Variants in HMCN2 observed in about 807,000 individuals in gnomAD.
The protein encoded by HMCN2 is hemicentin 2, also known as hemicentin-2.
Under a neutral mutation model 377.5 loss-of-function variants are expected in HMCN2, and 325 were observed. The observed-to-expected ratio is 0.86, with a 90% CI of 0.79 to 0.94. The LOEUF (loss-of-function observed/expected upper bound fraction) is 0.94. Among genes scored for constraint, HMCN2 ranks in the 40% least tolerant of loss-of-function variants. The pLI, the probability that HMCN2 is intolerant of heterozygous loss-of-function variation, is 0.00. For missense variants in HMCN2, 4,543 were observed against 4,725.3 expected (o/e 0.96, Z 1.13); for synonymous variants, 2,007 against 2,046.8 (o/e 0.98, Z 0.53).
intron 86 of HMCN2, among the ~76,000 whole-genome samples, chr9:130,420,391 T>C (rs529298531): frequency 1.3e-5 from 2 of 152,142 alleles, no homozygotes; most frequent in African/African-American, 4.8e-5. Flanking sequence ...CTTCTTACCC[T>C]CTCCTGTTGG....
chr9:130,354,873 T>G lies in HMCN2; in HGVS notation c.4975T>G (p.Ser1659Ala). ...CAGAGGCCACCCGTCCCCCACCCTC[T>G]CCTGGCACCACGAGGGGCTGCCCGT... is the stretch of plus-strand genomic sequence containing the variant. ...VARGHPSPTL[S>A]WHHEGLPVAE... Residue 1659 changes from serine to alanine, a missense_variant, in exon 32 of 98, where the codon TCC (serine) becomes GCC (alanine). Physicochemically the swap from Ser to Ala is moderately conservative, Grantham distance 99. Around this residue, in one of 5 missense-constraint regions of HMCN2, gnomAD observed 1,032 missense variants for 1,285.1 expected, o/e 0.80. Coordinates refer to ENST00000683500, the MANE Select transcript of HMCN2 (RefSeq NM_001291815.2). 1 of 1,304,268 alleles carries G rather than the reference T, an allele frequency of 7.7e-7. No individual in the cohort carries two copies. Among genetic ancestry groups the G allele is most frequent in the Non-Finnish European group, 1.0e-6 (1 of 988,938 alleles). The allele number at this position is 1,304,268 out of a possible 1,614,324, so 80.8% of individuals were successfully genotyped here.
rs147599505 is a variant in HMCN2, at chr9:130,412,018, C to T, written c.12961+1366C>T. Among the ~76,000 whole-genome samples, 988 of 152,342 alleles carry T rather than the reference C, an allele frequency of 6.5e-3. 8 individuals are homozygous for T. Among genetic ancestry groups the T allele is most frequent in the African/African-American group, 0.023 (955 of 41,568 alleles). On this transcript the variant is annotated intron_variant, in intron 85 of 97. Coordinates refer to ENST00000683500, the MANE Select transcript of HMCN2 (RefSeq NM_001291815.2). ...ACAGGGTCTGGCTCTGTTGCTCAGG[C>T]TGGAGTGCAGTGGTGCCATCTCTGC...
Position 130,375,892 on chromosome 9 carries a change from GA to G in HMCN2, c.7822del (p.Ile2608SerfsTer2). The G allele has an allele frequency of 2.0e-6, 2 of 985,972 alleles. No homozygotes were observed. Among genetic ancestry groups the G allele is most frequent in the Non-Finnish European group, 2.4e-6 (2 of 830,040 alleles). The allele number at this position is 985,972 out of a possible 1,614,324, so 61.1% of individuals were successfully genotyped here. A position where few individuals can be genotyped will look rare whatever the true frequency, so the allele number is the denominator to read the frequency against. On this transcript the variant is annotated frameshift_variant, in exon 51 of 98. Transcript: ENST00000683500. LOFTEE classifies it high-confidence loss of function. ...CCCACACAGGTACCCACGGGCTGCA[GA>G]TCCTGAATGCCCAGAAGGAAGATGC... is the stretch of plus-strand genomic sequence containing the variant. The part of the protein sequence containing the change: ...QLLPGTHGLQ[I>X]LNAQKEDAGQ...
At chr9:130,396,640 CACCCCCTGACA>C (rs1564853292) in intron 73 of HMCN2, among the ~76,000 whole-genome samples, 1 of 152,176 alleles carries the variant, frequency 6.6e-6, no homozygotes, top group Non-Finnish European at 1.5e-5. Flanking sequence ...GGGAGAAACA[CACCCCCTGACA>C]ACCCCGTGGC....
At chr9:130,396,389 G>C in intron 73 of HMCN2, 76 bp downstream of exon 73, 1 of 1,161,758 alleles carries the variant, frequency 8.6e-7, no homozygotes, top group South Asian at 1.4e-5. Context: ...ACTCACTTGG[G>C]CAATTGGAGC....
In HMCN2 at chr9:130,402,005, A is replaced by G. The variant is rs966755018; in HGVS notation, c.11771-784A>G. Among the ~76,000 whole-genome samples, 5 of 152,262 alleles carry G rather than the reference A, an allele frequency of 3.3e-5. 1 individual carries two copies. Among genetic ancestry groups the G allele is most frequent in the East Asian group, 3.9e-4 (2 of 5,178 alleles). ...GGTGGGAGGATTGCTTGAGTGTAGG[A>G]GTTCAAGGATGCAGTGAGCTATGAT... On this transcript the variant is annotated intron_variant, in intron 77 of 97. Coordinates refer to ENST00000683500, the MANE Select transcript of HMCN2 (RefSeq NM_001291815.2).
intron 81 of HMCN2, among the ~76,000 whole-genome samples, chr9:130,405,682 G>A (rs141177909): frequency 6.6e-6 from 1 of 152,378 alleles, no homozygotes; most frequent in African/African-American, 2.4e-5. Context: ...CAAGTTCTGA[G>A]GACAGGGCAG....
Position 130,319,556 on chromosome 9 carries a change from C to G in HMCN2, c.2412C>G (p.Leu804=), listed in dbSNP as rs1837737869. The G allele has an allele frequency of 6.6e-6, 1 of 152,206 alleles. No individual in the cohort carries two copies. Among genetic ancestry groups the G allele is most frequent in the South Asian group, 2.1e-4 (1 of 4,824 alleles). The allele number at this position is 152,206 out of a possible 1,614,324, so 9.4% of individuals were successfully genotyped here. A position where few individuals can be genotyped will look rare whatever the true frequency, so the allele number is the denominator to read the frequency against. The change falls in exon 16 of 98, where the codon CTC becomes CTG. Residue 804 remains leucine, a synonymous_variant. Transcript: ENST00000683500. ...CTGTGGAACTGGGGAGGAGTGCCCTCTTGGCATGCCGGGCAACAGGCCGCC... is the reference window on the plus strand; with the variant it reads ...CTGTGGAACTGGGGAGGAGTGCCCTGTTGGCATGCCGGGCAACAGGCCGCC... The part of the protein sequence containing the change: ...DVTVELGRSA[L]LACRATGRPP...
chr9:130,428,837 G>C lies in HMCN2; in HGVS notation c.14197+348G>C, dbSNP rs1038975732. ...CCCCATATGAATCAAGGCCCAGCTA[G>C]AGACCACCTCTGAATCCTTCTTGAC... On this transcript the variant is annotated intron_variant, in intron 93 of 97. Coordinates refer to ENST00000683500, the MANE Select transcript of HMCN2 (RefSeq NM_001291815.2). The surrounding 1 kb of genome is among the most constrained non-coding windows in gnomAD (Gnocchi z 5.0). 6.6e-6 allele frequency among the ~76,000 whole-genome samples: 1 copy of C among 152,210 alleles called. No individual in the cohort carries two copies. Among genetic ancestry groups the C allele is most frequent in the Non-Finnish European group, 1.5e-5 (1 of 68,032 alleles).
At chr9:130,427,106 C>T (rs562759103) in intron 90 of HMCN2, among the ~76,000 whole-genome samples, 2 of 152,324 alleles carry the variant, frequency 1.3e-5, no homozygotes, top group South Asian at 2.1e-4. Context: ...GGGAGCCCTT[C>T]AGGACACATT....
At chr9:130,356,065 G>C (rs1045116073) in intron 33 of HMCN2, 23 bp from the exon 34 acceptor site, 3 of 1,239,928 alleles carry the variant, frequency 2.4e-6, no homozygotes, top group Admixed American at 2.7e-5. Context: ...AGGTTGACAC[G>C]CCCCCCTCCC....
intron 86 of HMCN2, chr9:130,419,427 C>T (rs973978426): frequency 6.5e-5 from 11 of 168,228 alleles, no homozygotes; most frequent in African/African-American, 1.7e-4. Context: ...ATTGCCTGGC[C>T]GTGGCAGGTG....
At position 130,394,333 on chromosome 9, in the gene HMCN2, C is replaced by G; in HGVS notation, c.10502-52C>G. 8.6e-7 allele frequency: 1 copy of G among 1,160,904 alleles called. No individual in the cohort carries two copies. Among genetic ancestry groups the G allele is most frequent in the African/African-American group, 1.6e-5 (1 of 63,554 alleles). The allele number at this position is 1,160,904 out of a possible 1,614,324, so 71.9% of individuals were successfully genotyped here. A position where few individuals can be genotyped will look rare whatever the true frequency, so the allele number is the denominator to read the frequency against. On this transcript the variant is annotated intron_variant, in intron 68 of 97. Coordinates refer to ENST00000683500, the MANE Select transcript of HMCN2 (RefSeq NM_001291815.2). This position sits in a 1 kb window ranked among gnomAD's most constrained non-coding sequence, Gnocchi z 5.1. ...CAGCACAGTGTTTTCAAGTGCGGTG[C>G]TGTCCCGGAAATGTGTGTCAATTGT...
In HMCN2 at chr9:130,418,901, G is replaced by A. The variant is rs370050553; in HGVS notation, c.13091G>A (p.Arg4364Gln). Residue 4364 changes from arginine to glutamine, a missense_variant, in exon 86 of 98, where the codon CGG becomes CAG. Transcript: ENST00000683500. ...IEWLQAGQPL[R>Q]ASRRLRTLPD... ...TGGCTACAGGCGGGTCAACCCTTGCGGGCCAGCCGGCGGCTCCGGACCCTG... is the reference window on the plus strand; with the variant it reads ...TGGCTACAGGCGGGTCAACCCTTGCAGGCCAGCCGGCGGCTCCGGACCCTG... 416 of 1,549,568 alleles carry A rather than the reference G, an allele frequency of 2.7e-4. 4 individuals carry two copies. The East Asian group carries it at 4.5e-3, about 17-fold the overall frequency.
At chr9:130,316,065 C>T (rs1157643533) in intron 15 of HMCN2, among the ~76,000 whole-genome samples, 5 of 152,040 alleles carry the variant, frequency 3.3e-5, no homozygotes, top group Non-Finnish European at 7.4e-5. Flanking sequence ...TGGGAAGTCC[C>T]CTCTGCTGCA....
At chr9:130,342,111 C>T (rs1048682670) in intron 24 of HMCN2, among the ~76,000 whole-genome samples, 2,788 of 152,174 alleles carry the variant, frequency 0.018, 31 homozygotes, top group Middle Eastern at 0.041. Context: ...CCCCTTGTGT[C>T]TGAGGGTACA....
At chr9:130,293,300 T>TTTTTTTTTTTTTTTTTTTG (rs1491174902) in intron 4 of HMCN2, among the ~76,000 whole-genome samples, 1 of 126,732 alleles carries the variant, frequency 7.9e-6, no homozygotes, top group Non-Finnish European at 1.7e-5. Context: ...TTTTTTTTTT[T>TTTTTTTTTTTTTTTTTTTG]GCGGTTCTTG....
chr9:130,399,850 C>T (rs989015223), intron 76 of HMCN2, among the ~76,000 whole-genome samples: 12 of 152,190 alleles, frequency 7.9e-5, no homozygotes, highest in African/African-American at 2.4e-4. Context: ...AGAGGCCCCT[C>T]GCAAATCCAG....
chr9:130,383,279 T>C (rs1213930676), intron 56 of HMCN2, among the ~76,000 whole-genome samples: 1 of 148,364 alleles, frequency 6.7e-6, no homozygotes, highest in African/African-American at 2.4e-5. Flanking sequence ...GGGGAGGCTC[T>C]TGTCACATCT....
Sources: gnomAD v4.1 joint callset for allele counts (sites outside exome capture counted in the v4.1 genomes callset) on GRCh38, gnomAD v4.1.1 for gene constraint, gnomAD v4.1.1 regional missense constraint, Gnocchi (gnomAD v3.1) non-coding constraint, MANE v1.5 for transcripts, NCBI Gene and HGNC (gene_info 2026-07-23, HGNC 2026-07-21) for gene names.